RASAL2: variants seen among roughly 807,000 people sequenced by gnomAD.
The protein encoded by RASAL2 is RAS protein activator like 2.
A neutral mutation model predicts 128.9 loss-of-function variants in RASAL2; 58 were observed. The observed-to-expected ratio is 0.45, with a 90% CI of 0.36 to 0.56. RASAL2 has a LOEUF of 0.56. RASAL2 is among the 20% of genes least tolerant of loss of function. RASAL2 has a pLI of 0.00. For synonymous variants in RASAL2, 561 were observed against 580.8 expected (o/e 0.97, Z 0.49); for missense variants, 1,360 against 1,601.6 (o/e 0.85, Z 2.57).
chr1:178,241,689 G>C (rs1194147476), intron 1 of RASAL2, among the ~76,000 whole-genome samples: 1 of 152,116 alleles, frequency 6.6e-6, no homozygotes, highest in Non-Finnish European at 1.5e-5. Flanking sequence ...CACTCAGAAG[G>C]GTGTGCAAAG....
intron 1 of RASAL2, among the ~76,000 whole-genome samples, chr1:178,265,432 A>G (rs1032315389): frequency 1.3e-5 from 2 of 152,118 alleles, no homozygotes; most frequent in Non-Finnish European, 2.9e-5. Context: ...CAAATAATTA[A>G]TAATAGAAAA....
At chr1:178,358,263 A>C (rs942137567) in intron 3 of RASAL2, among the ~76,000 whole-genome samples, 1 of 149,510 alleles carries the variant, frequency 6.7e-6, no homozygotes, top group Non-Finnish European at 1.5e-5. Flanking sequence ...AAAAAAAAAA[A>C]AAAGGAAAGG....
chr1:178,278,550 G>C (rs1189807419), intron 1 of RASAL2, among the ~76,000 whole-genome samples: 1 of 152,162 alleles, frequency 6.6e-6, no homozygotes, highest in Non-Finnish European at 1.5e-5. Flanking sequence ...AAAAACATGA[G>C]ACTAGTAAAT....
At chr1:178,374,409 C>T (rs1315608116) in intron 3 of RASAL2, among the ~76,000 whole-genome samples, 1 of 152,052 alleles carries the variant, frequency 6.6e-6, no homozygotes, top group Non-Finnish European at 1.5e-5. Flanking sequence ...ATTATGCTTT[C>T]TTTGCCTAAG....
chr1:178,392,231 C>T (rs1672954308), intron 4 of RASAL2, among the ~76,000 whole-genome samples: 1 of 152,102 alleles, frequency 6.6e-6, no homozygotes, highest in Non-Finnish European at 1.5e-5. Context: ...ATTAACAACA[C>T]AATGTGTAAG....
chr1:178,220,329 GC>G (rs1663572551), intron 1 of RASAL2, among the ~76,000 whole-genome samples: 1 of 152,124 alleles, frequency 6.6e-6, no homozygotes, highest in Non-Finnish European at 1.5e-5. Context: ...AAGAAAAGAG[GC>G]AAGGAATGGC....
chr1:178,230,219 G>A (rs1663947543), intron 1 of RASAL2, among the ~76,000 whole-genome samples: 1 of 151,954 alleles, frequency 6.6e-6, no homozygotes, highest in Non-Finnish European at 1.5e-5. Flanking sequence ...TGTACATTTG[G>A]GTCGTTTTAT....
intron 3 of RASAL2, among the ~76,000 whole-genome samples, chr1:178,369,596 T>C (rs1303293516): frequency 2.0e-5 from 3 of 151,972 alleles, no homozygotes; most frequent in African/African-American, 7.2e-5. Context: ...ATGACCTTTC[T>C]AACTATACAG....
At chr1:178,194,180 A>T (rs1484916818) in intron 1 of RASAL2, among the ~76,000 whole-genome samples, 3 of 152,222 alleles carry the variant, frequency 2.0e-5, no homozygotes, top group African/African-American at 7.2e-5. Context: ...CCTGAGCAAC[A>T]TCTCATTACT....
chr1:178,307,571 A>G (rs1021889793), intron 3 of RASAL2, among the ~76,000 whole-genome samples: 55 of 152,190 alleles, frequency 3.6e-4, no homozygotes, highest in African/African-American at 1.1e-3. Context: ...TTCAATGTCA[A>G]TGTAACCTAC....
intron 3 of RASAL2, among the ~76,000 whole-genome samples, chr1:178,357,870 A>C (rs1410297928): frequency 6.6e-6 from 1 of 152,164 alleles, no homozygotes; most frequent in Admixed American, 6.5e-5. Context: ...TGAATATAAC[A>C]ACAAATTTAG....
At chr1:178,312,668 G>A (rs761313689) in intron 3 of RASAL2, among the ~76,000 whole-genome samples, 13 of 152,288 alleles carry the variant, frequency 8.5e-5, no homozygotes, top group African/African-American at 3.1e-4. Flanking sequence ...AATAAAGACA[G>A]CCAGTTCAGA....
intron 1 of RASAL2, among the ~76,000 whole-genome samples, chr1:178,196,238 C>G (rs1326665783): frequency 1.3e-5 from 2 of 151,874 alleles, no homozygotes; most frequent in African/African-American, 4.8e-5. Flanking sequence ...AATATATTGC[C>G]TTACGAATTT....
chr1:178,460,413 G>A (rs1056062437), intron 14 of RASAL2, among the ~76,000 whole-genome samples: 2 of 151,902 alleles, frequency 1.3e-5, no homozygotes, highest in African/African-American at 4.8e-5. Context: ...TGCTCATCTG[G>A]AACCAGTTGT....
chr1:178,190,396 G>A (rs1662451273), intron 1 of RASAL2, among the ~76,000 whole-genome samples: 1 of 152,094 alleles, frequency 6.6e-6, no homozygotes. Flanking sequence ...ACACAGAGTG[G>A]TATCTAAAAT....
intron 1 of RASAL2, among the ~76,000 whole-genome samples, chr1:178,155,278 C>T (rs1314151079): frequency 2.0e-5 from 3 of 152,064 alleles, no homozygotes; most frequent in Admixed American, 2.0e-4. Flanking sequence ...TCATTCTGAT[C>T]TAGACTACTC....
chr1:178,421,676 T>G (rs1675151281), intron 5 of RASAL2, among the ~76,000 whole-genome samples: 1 of 152,026 alleles, frequency 6.6e-6, no homozygotes, highest in Admixed American at 6.6e-5. Flanking sequence ...TAAGTGACTT[T>G]TTTTCACTTA....
At chr1:178,373,436 T>A (rs1363684375) in intron 3 of RASAL2, among the ~76,000 whole-genome samples, 2 of 151,944 alleles carry the variant, frequency 1.3e-5, no homozygotes, top group Non-Finnish European at 2.9e-5. Context: ...AAGCCTTCGT[T>A]TCTCTGAAGC....
At chr1:178,291,906 G>A (rs753398980) in intron 2 of RASAL2, among the ~76,000 whole-genome samples, 1 of 151,826 alleles carries the variant, frequency 6.6e-6, no homozygotes, top group Admixed American at 6.6e-5. Flanking sequence ...ATGGTGTCGG[G>A]TGCCTGTAAC....
Sources: allele counts gnomAD v4.1 joint callset (sites outside exome capture counted in the v4.1 genomes callset), GRCh38; gene constraint gnomAD v4.1.1; transcripts MANE v1.5; gene names NCBI Gene and HGNC (gene_info 2026-07-23, HGNC 2026-07-21).